The following INSL6 variants were observed in gnomAD, a reference collection of about 807,000 sequenced individuals.
INSL6 encodes the protein insulin-like peptide INSL6.
Under a neutral mutation model 9.4 loss-of-function variants are expected in INSL6, and 16 were observed. The ratio of observed to expected loss-of-function variants is 1.70; its 90% confidence interval spans 1.15 to 2.59. The LOEUF is 2.59. Ranked by LOEUF, INSL6 falls within the 30% of genes most tolerant of loss-of-function variation. INSL6 has a pLI of 0.00. For missense variants in INSL6, 391 were observed against 257.3 expected, an observed-to-expected ratio of 1.52 and a Z score of -3.56; for synonymous variants, 154 against 96.9, an observed-to-expected ratio of 1.59 and a Z score of -3.46.
downstream of INSL6, among the ~76,000 whole-genome samples, chr9:5,159,474 A>G (rs1824879111): frequency 6.6e-6 from 1 of 152,158 alleles, no homozygotes; most frequent in African/African-American, 2.4e-5. Flanking sequence ...TTCCATGCCA[A>G]TGGAAACCAA....
At chr9:5,037,712 G>C in the INSL6 span, among the ~76,000 whole-genome samples, 12 of 152,168 alleles carry the variant, frequency 7.9e-5, no homozygotes, top group Non-Finnish European at 2.9e-5. Flanking sequence ...GTTCTGGGGT[G>C]GGGGGATGGA....
chr9:5,001,917 A>C, the INSL6 span, among the ~76,000 whole-genome samples: 5 of 151,924 alleles, frequency 3.3e-5, no homozygotes, highest in Admixed American at 2.0e-4. Context: ...TTTGTCTTTC[A>C]AGGAATTTGT....
chr9:5,050,254 C>T, the INSL6 span, among the ~76,000 whole-genome samples: 1 of 152,098 alleles, frequency 6.6e-6, no homozygotes, highest in Non-Finnish European at 1.5e-5. Flanking sequence ...AATTGTATCG[C>T]AAAATGAATG....
At chr9:5,096,418 G>C in the INSL6 span, among the ~76,000 whole-genome samples, 1 of 152,108 alleles carries the variant, frequency 6.6e-6, no homozygotes, top group Non-Finnish European at 1.5e-5. Flanking sequence ...TGCTAGATCG[G>C]TGGAATTCAA....
At chr9:5,184,411 A>G (rs572838960) in intron 1 of INSL6, among the ~76,000 whole-genome samples, 18 of 152,360 alleles carry the variant, frequency 1.2e-4, no homozygotes, top group African/African-American at 4.3e-4. Context: ...TCTTAGTCAC[A>G]AAATGTAAAA....
chr9:5,091,162 TCTC>T, the INSL6 span: 1 of 299,080 alleles, frequency 3.3e-6, no homozygotes, highest in East Asian at 6.6e-5. Context: ...TTCAAAACTG[TCTC>T]CTATTTATTG....
chr9:5,173,545 T>G (rs1191277492), intron 1 of INSL6, among the ~76,000 whole-genome samples: 1 of 150,252 alleles, frequency 6.7e-6, no homozygotes, highest in Non-Finnish European at 1.5e-5. Flanking sequence ...CCCTTATAAG[T>G]GGGAGCTGAA....
chr9:5,015,998 G>T, the INSL6 span, among the ~76,000 whole-genome samples: 1 of 152,200 alleles, frequency 6.6e-6, no homozygotes. Context: ...TATGCTTGCT[G>T]GGTTTCCTGT....
the INSL6 span, among the ~76,000 whole-genome samples, chr9:5,059,551 T>C: frequency 1.3e-5 from 2 of 152,200 alleles, no homozygotes; most frequent in South Asian, 2.1e-4. Context: ...GGTGGACTTA[T>C]GCACTCTTTT....
the INSL6 span, chr9:5,044,540 C>T: frequency 1.6e-3 from 2,106 of 1,353,522 alleles, 1 homozygote; most frequent in Non-Finnish European, 2.0e-3. Context: ...TATTATCTTA[C>T]TTGTACATGA....
At chr9:5,067,350 T>C in the INSL6 span, among the ~76,000 whole-genome samples, 1 of 152,304 alleles carries the variant, frequency 6.6e-6, no homozygotes, top group Admixed American at 6.5e-5. Flanking sequence ...ATTTTGGATC[T>C]CATCTATGAT....
intron 2 of INSL6, among the ~76,000 whole-genome samples, chr9:5,153,105 T>C (rs1824743351): frequency 6.6e-6 from 1 of 151,486 alleles, no homozygotes; most frequent in African/African-American, 2.4e-5. Flanking sequence ...AGCACAAAAC[T>C]GGCCAGCTGT....
the INSL6 span, chr9:5,080,238 A>G: frequency 1.2e-6 from 2 of 1,611,052 alleles, no homozygotes; most frequent in Non-Finnish European, 1.7e-6. Context: ...GTTCTTCAGG[A>G]GAGAATACCA....
the INSL6 span, among the ~76,000 whole-genome samples, chr9:5,077,245 G>T: frequency 1.3e-5 from 2 of 150,052 alleles, no homozygotes; most frequent in Non-Finnish European, 3.0e-5. Context: ...ATATATAATT[G>T]TTTAGACTCC....
At chr9:5,142,584 A>G (rs996252694) in intron 2 of INSL6, among the ~76,000 whole-genome samples, 1 of 152,224 alleles carries the variant, frequency 6.6e-6, no homozygotes, top group East Asian at 1.9e-4. Context: ...GCTGTTTATC[A>G]GCTTAAGAAG....
the INSL6 span, among the ~76,000 whole-genome samples, chr9:5,035,475 A>C: frequency 6.6e-6 from 1 of 152,230 alleles, no homozygotes; most frequent in East Asian, 1.9e-4. Context: ...ATTGATGCAA[A>C]AATCCTCAAC....
chr9:5,096,252 AGTTATAACTTAGAAATTTAG>A, the INSL6 span, among the ~76,000 whole-genome samples: 2 of 152,178 alleles, frequency 1.3e-5, no homozygotes, highest in African/African-American at 4.8e-5. Context: ...CACTGATTCT[AGTTATAACTTAGAAATTTAG>A]GTTAAATAAG....
At chr9:5,118,048 T>C in the INSL6 span, among the ~76,000 whole-genome samples, 1 of 152,242 alleles carries the variant, frequency 6.6e-6, no homozygotes, top group Admixed American at 6.5e-5. Context: ...GACATTTAAA[T>C]AACAGCTATG....
the INSL6 span, chr9:5,112,063 A>T: frequency 5.0e-6 from 2 of 404,000 alleles, no homozygotes; most frequent in Non-Finnish European, 9.9e-6. Context: ...GGGGGTCTCC[A>T]CGGCCTGGAG....
Sources: allele counts gnomAD v4.1 joint callset (sites outside exome capture counted in the v4.1 genomes callset), GRCh38; gene constraint gnomAD v4.1.1; transcripts MANE v1.5; gene names NCBI Gene and HGNC (gene_info 2026-07-23, HGNC 2026-07-21).